XPR1: variants seen among roughly 807,000 people sequenced by gnomAD.
XPR1 encodes solute carrier family 53 member 1.
Under a neutral mutation model 87.5 loss-of-function variants are expected in XPR1, and 28 were observed. The ratio of observed to expected loss-of-function variants is 0.32; its 90% CI spans 0.24 to 0.44. The LOEUF is 0.44. XPR1 is among the 20% of genes least tolerant of loss of function. XPR1 has a pLI of 1.00. For synonymous variants in XPR1, 300 were observed against 306.1 expected, an observed-to-expected ratio of 0.98 and a Z score of 0.21; for missense variants, 559 against 862.3, an observed-to-expected ratio of 0.65 and a Z score of 4.41.
chr1:180,671,576 G>T (rs1424054011), intron 1 of XPR1, among the ~76,000 whole-genome samples: 1 of 152,140 alleles, frequency 6.6e-6, no homozygotes, highest in Non-Finnish European at 1.5e-5. Context: ...CCAGGCTGGA[G>T]TGCAATGGCA....
At chr1:180,857,999 C>G (rs945009866) in intron 11 of XPR1, among the ~76,000 whole-genome samples, 1 of 152,078 alleles carries the variant, frequency 6.6e-6, no homozygotes, top group Admixed American at 6.5e-5. Flanking sequence ...GGCAGATCAC[C>G]TGAGGTTGGG....
At chr1:180,640,858 C>G (rs1445755372) in intron 1 of XPR1, among the ~76,000 whole-genome samples, 3 of 152,124 alleles carry the variant, frequency 2.0e-5, no homozygotes, top group Non-Finnish European at 4.4e-5. Flanking sequence ...TGGTGTTTGG[C>G]TTCTGGATCA....
intron 11 of XPR1, among the ~76,000 whole-genome samples, chr1:180,860,971 A>G (rs866745437): frequency 2.1e-4 from 32 of 152,212 alleles, no homozygotes; most frequent in African/African-American, 7.2e-4. Flanking sequence ...TTTTCATGTA[A>G]CATTTTTACT....
intron 1 of XPR1, among the ~76,000 whole-genome samples, chr1:180,638,250 T>G (rs1571664078): frequency 6.6e-6 from 1 of 152,194 alleles, no homozygotes; most frequent in East Asian, 1.9e-4. Context: ...AACAATTTTG[T>G]TTTACATTGT....
At chr1:180,827,880 A>ATT (rs11445781) in intron 9 of XPR1, among the ~76,000 whole-genome samples, 7,151 of 142,662 alleles carry the variant, frequency 0.05, 588 homozygotes, top group African/African-American at 0.16. Context: ...TTTTTCTTTA[A>ATT]TTTTTTTTTT....
intron 13 of XPR1, among the ~76,000 whole-genome samples, chr1:180,876,566 G>A (rs1652669560): frequency 6.6e-6 from 1 of 151,856 alleles, no homozygotes; most frequent in African/African-American, 2.4e-5. Context: ...AACCCAGGAG[G>A]AAGAGGTTGC....
intron 9 of XPR1, among the ~76,000 whole-genome samples, chr1:180,827,964 C>A (rs1317427292): frequency 6.6e-6 from 1 of 151,426 alleles, no homozygotes; most frequent in Non-Finnish European, 1.5e-5. Context: ...GCAACCTCCA[C>A]CTCCCAGGTT....
intron 1 of XPR1, among the ~76,000 whole-genome samples, chr1:180,645,729 G>T (rs1655099782): frequency 6.6e-6 from 1 of 152,148 alleles, no homozygotes; most frequent in East Asian, 1.9e-4. Context: ...GTACTTTAAT[G>T]TTAATAATTT....
Position 180,768,352 on chromosome 1 carries a change from T to C in XPR1, c.122-19401T>C, listed in dbSNP as rs545416389. The stretch of plus-strand genomic sequence containing the variant: ...GTTTCTGAACTTTATGTACCAAAAA[T>C]AAATGGTCAGAATTGATGCTTCTGT... On this transcript the variant is annotated intron_variant, in intron 2 of 14. Coordinates refer to ENST00000367590, the MANE Select transcript of XPR1 (RefSeq NM_004736.4). Among the ~76,000 whole-genome samples, 16 of 152,310 alleles carry C rather than the reference T, an allele frequency of 1.1e-4. No homozygotes were observed. In the South Asian group the frequency reaches 3.3e-3, roughly 32 times the overall value.
At chr1:180,665,695 A>G (rs1333737883) in intron 1 of XPR1, among the ~76,000 whole-genome samples, 1 of 152,132 alleles carries the variant, frequency 6.6e-6, no homozygotes, top group Non-Finnish European at 1.5e-5. Flanking sequence ...AAGTGCAGAG[A>G]TTCTCTCTCT....
chr1:180,677,767 C>T (rs995594259), intron 1 of XPR1, among the ~76,000 whole-genome samples: 1 of 152,150 alleles, frequency 6.6e-6, no homozygotes, highest in Non-Finnish European at 1.5e-5. Context: ...CAAAGTTGCA[C>T]TATAAACTAC....
chr1:180,857,536 T>C (rs1406803284), intron 11 of XPR1, among the ~76,000 whole-genome samples: 8 of 152,270 alleles, frequency 5.3e-5, no homozygotes, highest in Admixed American at 4.6e-4. Context: ...CTTGTTTAAC[T>C]CAAGTCCTTT....
intron 11 of XPR1, among the ~76,000 whole-genome samples, chr1:180,860,927 T>C (rs1308825085): frequency 1.3e-5 from 2 of 152,124 alleles, no homozygotes; most frequent in Non-Finnish European, 2.9e-5. Context: ...ACCAGAAAAT[T>C]AGCACATTGC....
rs762482107 is a variant in XPR1, at chr1:180,889,254, G to A, written c.*5188G>A. ...TTTTGTATGGTGCCATCAACCTAAG[G>A]AGGACAATCAAATAACCTATTGTTT... On this transcript the variant is annotated 3_prime_UTR_variant, in exon 15 of 15. Transcript: ENST00000367590. 27 of 152,146 alleles carry A rather than the reference G, an allele frequency of 1.8e-4. No individual in the cohort carries two copies. The highest frequency in any genetic ancestry group is 3.1e-4 in the Non-Finnish European group (21 of 68,026). The allele number at this position is 152,146 out of a possible 1,614,324, so 9.4% of individuals were successfully genotyped here. A position where few individuals can be genotyped will look rare whatever the true frequency, so the allele number is the denominator to read the frequency against.
chr1:180,787,271 A>G (rs1018088426), intron 2 of XPR1, among the ~76,000 whole-genome samples: 2 of 149,824 alleles, frequency 1.3e-5, no homozygotes, highest in African/African-American at 2.5e-5. Flanking sequence ...GTGGTCTTAC[A>G]AAGAGGTTTT....
chr1:180,824,671 C>T, intron 7 of XPR1, 82 bp from the exon 8 acceptor site: 1 of 1,229,334 alleles, frequency 8.1e-7, no homozygotes, highest in Non-Finnish European at 1.1e-6. Flanking sequence ...AGGGCTATAT[C>T]ATTGAGAATG....
At chr1:180,770,287 T>C (rs914923698) in intron 2 of XPR1, among the ~76,000 whole-genome samples, 8 of 152,210 alleles carry the variant, frequency 5.3e-5, no homozygotes, top group African/African-American at 1.9e-4. Flanking sequence ...TTTTTCATGG[T>C]TCTGGAGTCT....
chr1:180,810,781 A>ATATATATGTGTATATATG (rs1478191363), intron 6 of XPR1, among the ~76,000 whole-genome samples: 2 of 151,612 alleles, frequency 1.3e-5, no homozygotes, highest in Non-Finnish European at 2.9e-5. Context: ...TCATATGTAT[A>ATATATATGTGTATATATG]TATATATGTG....
chr1:180,702,504 A>T (rs1423892163), intron 2 of XPR1, among the ~76,000 whole-genome samples: 1 of 151,430 alleles, frequency 6.6e-6, no homozygotes, highest in Non-Finnish European at 1.5e-5. Flanking sequence ...TTTTTTTTGT[A>T]CTGACTGGGT....
Sources: gnomAD v4.1 joint callset for allele counts (sites outside exome capture counted in the v4.1 genomes callset) on GRCh38, gnomAD v4.1.1 for gene constraint, MANE v1.5 for transcripts, NCBI Gene and HGNC (gene_info 2026-07-23, HGNC 2026-07-21) for gene names.